Variants in CXorf38 observed in about 807,000 individuals in gnomAD.
The protein encoded by CXorf38 is uncharacterized protein CXorf38.
In CXorf38, 13 loss-of-function variants were observed where a neutral mutation model predicts 27.5. The observed-to-expected ratio is 0.47, with a 90% CI of 0.31 to 0.75. The LOEUF (loss-of-function observed/expected upper bound fraction) is 0.75, where lower values mean the gene tolerates loss of function less well. Among genes scored for constraint, CXorf38 ranks in the 30% least tolerant of loss-of-function variants. The pLI is 0.05. For synonymous variants in CXorf38, 100 were observed against 99.8 expected (o/e 1.00, Z -0.01); for missense variants, 240 against 253.2 (o/e 0.95, Z 0.35).
intron 2 of CXorf38, chrX:40,639,729 G>C: frequency 8.2e-6 from 1 of 121,221 alleles, no homozygotes; most frequent in South Asian, 2.7e-4. Context: ...ACAGTGCTAG[G>C]CACGTGCTAG....
intron 5 of CXorf38, among the ~76,000 whole-genome samples, chrX:40,635,008 G>A (rs1928002151): frequency 8.9e-6 from 1 of 112,277 alleles, no homozygotes; most frequent in Admixed American, 9.4e-5. Context: ...TCAGAAGGGG[G>A]AGACCTGCGG....
intron 2 of CXorf38, among the ~76,000 whole-genome samples, chrX:40,641,414 G>T (rs1005059808): frequency 1.7e-4 from 19 of 111,401 alleles, no homozygotes; most frequent in African/African-American, 5.9e-4. Flanking sequence ...GAGAGACAGG[G>T]TCTTGCTCTG....
intron 5 of CXorf38, among the ~76,000 whole-genome samples, chrX:40,631,268 C>T (rs949610353): frequency 1.8e-4 from 18 of 98,147 alleles, no homozygotes; most frequent in Admixed American, 6.4e-4. Flanking sequence ...CACACACACA[C>T]ACACACACAC....
chrX:40,630,878 C>T (rs1279914380), intron 5 of CXorf38, 105 bp from the exon 6 acceptor site: 3 of 745,306 alleles, frequency 4.0e-6, no homozygotes, highest in Non-Finnish European at 5.7e-6. Flanking sequence ...ACTCACGTGC[C>T]CAAGAGACAG....
chrX:40,642,743 T>C (rs1033550150), intron 2 of CXorf38, among the ~76,000 whole-genome samples: 19 of 111,198 alleles, frequency 1.7e-4, no homozygotes, highest in Non-Finnish European at 2.5e-4. Context: ...AATGGGGAGA[T>C]AGCAGGAGAG....
chrX:40,647,487 A>G lies in CXorf38; in HGVS notation c.34T>C (p.Cys12Arg), dbSNP rs960402647. Residue 12 changes from cysteine to arginine, a missense_variant, in exon 1 of 7, where the codon TGC (cysteine) becomes CGC (arginine). By Grantham distance (180) the Cys-to-Arg change is radical. Transcript: ENST00000327877. ...VLSELAARLN[C>R]AEYKNWVKAG... ...TTCACCCAGTTCTTGTACTCGGCGC[A>G]GTTGAGGCGCGCCGCTAGCTCCGAC... 12 of 1,188,110 alleles carry G rather than the reference A, an allele frequency of 1.0e-5. No homozygotes were observed. The highest frequency in any genetic ancestry group is 1.4e-5 in the Non-Finnish European group (12 of 886,796).
Position 40,647,316 on chromosome X carries a change from G to T in CXorf38, c.205C>A (p.Arg69Ser). The T allele has an allele frequency of 9.2e-7, 1 of 1,090,667 alleles. No individual in the cohort carries two copies. The highest frequency in any genetic ancestry group is 2.3e-5 in the South Asian group (1 of 42,917). The allele number at this position is 1,090,667 out of a possible 1,213,427, so 89.9% of individuals were successfully genotyped here. The change falls in exon 1 of 7, where the codon CGC (arginine) becomes AGC (serine). Residue 69 changes from arginine to serine, a missense_variant. Arg to Ser is a moderately radical substitution (Grantham distance 110, BLOSUM62 -1). Transcript: ENST00000327877. ...AGCCAGGTGCTCACCTGGCGGGCGC[G>T]AGGGCTGCACCGTGAGCCGCCGCGG... Reference protein sequence around the residue: ...VCRGGSRCSPRARQFQPQCQV... With the variant: ...VCRGGSRCSPSARQFQPQCQV...
chrX:40,647,250 G>C, intron 1 of CXorf38, 55 bp downstream of exon 1: 1 of 1,116,530 alleles, frequency 9.0e-7, no homozygotes, highest in African/African-American at 1.8e-5. Context: ...ACAGGAACGG[G>C]GATGAGGAGG....
intron 6 of CXorf38, 79 bp downstream of exon 6, chrX:40,630,535 G>A (rs1927726240): frequency 2.1e-6 from 2 of 945,499 alleles, no homozygotes; most frequent in Non-Finnish European, 2.9e-6. Flanking sequence ...TGTTCATGAT[G>A]GCCTCACATG....
At chrX:40,647,231 G>A (rs771708033) in intron 1 of CXorf38, 74 bp downstream of exon 1, 1 of 1,152,218 alleles carries the variant, frequency 8.7e-7, no homozygotes, top group African/African-American at 1.8e-5. Context: ...CTTGCGCTCT[G>A]GGTCTGGGAC....
Position 40,627,556 on chromosome X carries a change from T to C in CXorf38, c.*2608A>G, listed in dbSNP as rs935448667. 8.9e-6 allele frequency: 1 copy of C among 112,269 alleles called. No individual in the cohort carries two copies. The highest frequency in any genetic ancestry group is 1.9e-5 in the Non-Finnish European group (1 of 53,291). The allele number at this position is 112,269 out of a possible 1,213,427, so 9.3% of individuals were successfully genotyped here. The stretch of plus-strand genomic sequence containing the variant: ...CTTAGAGATCACTGCATGACCACAG[T>C]GCAGCATCGCTTCATTCTTTCCAAC... On this transcript the variant is annotated 3_prime_UTR_variant, in exon 7 of 7. Transcript: ENST00000327877.
chrX:40,641,111 G>A (rs755530275), intron 2 of CXorf38, among the ~76,000 whole-genome samples: 25 of 110,563 alleles, frequency 2.3e-4, no homozygotes, highest in Admixed American at 3.9e-4. Context: ...CAGCTACTTC[G>A]GAGGCTGAAA....
At chrX:40,632,782 T>C (rs1037666686) in intron 5 of CXorf38, among the ~76,000 whole-genome samples, 2 of 111,798 alleles carry the variant, frequency 1.8e-5, no homozygotes, top group African/African-American at 6.5e-5. Flanking sequence ...CTGACCTCTC[T>C]GAGCTTACTT....
At chrX:40,636,954 T>C in intron 4 of CXorf38, 53 bp downstream of exon 4, 1 of 1,047,845 alleles carries the variant, frequency 9.5e-7, no homozygotes, top group Non-Finnish European at 1.3e-6. Flanking sequence ...GTGGCTGTTG[T>C]TGTTTTCTCT....
chrX:40,639,198 C>T (rs1928210441), intron 2 of CXorf38, 70 bp from the exon 3 acceptor site: 7 of 1,082,453 alleles, frequency 6.5e-6, no homozygotes, highest in Non-Finnish European at 8.7e-6. Context: ...GCAATGGTTA[C>T]TTGTCTATTT....
At chrX:40,647,182 A>ACGTCGCGGTGGGCCCCG (rs747442704) in intron 1 of CXorf38, 41 bp from the exon 2 acceptor site, 3 of 1,201,873 alleles carry the variant, frequency 2.5e-6, no homozygotes, top group Non-Finnish European at 3.4e-6. Context: ...GGAGGGAGGG[A>ACGTCGCGGTGGGCCCCG]CGTCGCGGTG....
At chrX:40,639,533 G>C (rs1569271356) in intron 2 of CXorf38, 1 of 117,716 alleles carries the variant, frequency 8.5e-6, no homozygotes, top group Non-Finnish European at 1.7e-5. Context: ...CCGTATGGAA[G>C]TATTATATTA....
At chrX:40,636,133 T>C (rs1430951052) in intron 5 of CXorf38, among the ~76,000 whole-genome samples, 1 of 112,662 alleles carries the variant, frequency 8.9e-6, no homozygotes, top group Non-Finnish European at 1.9e-5. Flanking sequence ...CTGTGCCCTC[T>C]GCCAAGAAGA....
rs1353733421 is a variant in CXorf38 at position 40,647,559 on chromosome X, G to C, written c.-39C>G. 1 of 1,168,331 alleles carries C rather than the reference G, an allele frequency of 8.6e-7. No individual in the cohort carries two copies. Among genetic ancestry groups the C allele is most frequent in the South Asian group, 1.9e-5 (1 of 53,520 alleles). ...AACCAGGAGGTTGCGGGGCGTGGCG[G>C]ACGGCAGTGCGCAGGCGCGGAGCCT... On this transcript the variant is annotated 5_prime_UTR_variant, in exon 1 of 7. Transcript: ENST00000327877.
Sources: gnomAD v4.1 joint callset for allele counts (sites outside exome capture counted in the v4.1 genomes callset) on GRCh38, gnomAD v4.1.1 for gene constraint, MANE v1.5 for transcripts, NCBI Gene and HGNC (gene_info 2026-07-23, HGNC 2026-07-21) for gene names.